Variants in SUMF1 observed in about 807,000 individuals in gnomAD.
The protein encoded by SUMF1 is formylglycine-generating enzyme.
In SUMF1, 48 loss-of-function variants were observed where a neutral mutation model predicts 47.6. The observed-to-expected ratio is 1.01, with a 90% CI of 0.80 to 1.28. The LOEUF (loss-of-function observed/expected upper bound fraction) is 1.28, where lower values mean the gene tolerates loss of function less well. Ranked by LOEUF, SUMF1 falls within the 50% of genes most tolerant of loss-of-function variation. SUMF1 has a pLI of 0.00. For missense variants in SUMF1, 571 were observed against 485.4 expected, an observed-to-expected ratio of 1.18 and a Z score of -1.66; for synonymous variants, 230 against 192.1, an observed-to-expected ratio of 1.20 and a Z score of -1.63.
chr3:4,175,210 G>C (rs1020853310), intron 8 of SUMF1, among the ~76,000 whole-genome samples: 2 of 152,206 alleles, frequency 1.3e-5, no homozygotes, highest in African/African-American at 4.8e-5. Context: ...TGAGCTCTGA[G>C]AATGGACAGA....
At chr3:4,267,679 C>G (rs1479716658) in intron 8 of SUMF1, among the ~76,000 whole-genome samples, 2 of 151,358 alleles carry the variant, frequency 1.3e-5, no homozygotes, top group South Asian at 4.2e-4. Flanking sequence ...ATCAAAACCA[C>G]AATGAGATAT....
chr3:4,342,991 T>G (rs962350554), intron 8 of SUMF1, among the ~76,000 whole-genome samples: 2 of 152,214 alleles, frequency 1.3e-5, no homozygotes, highest in African/African-American at 2.4e-5. Flanking sequence ...TCAGGGGATG[T>G]GAATGGGGAC....
intron 3 of SUMF1, among the ~76,000 whole-genome samples, chr3:4,446,571 G>T (rs1702788507): frequency 6.6e-6 from 1 of 152,188 alleles, no homozygotes; most frequent in African/African-American, 2.4e-5. Context: ...AGCATCAACA[G>T]CCGCTAACAT....
intron 8 of SUMF1, among the ~76,000 whole-genome samples, chr3:4,233,005 CAGCTGCAGTTAACAAA>C: frequency 6.6e-6 from 1 of 152,218 alleles, no homozygotes; most frequent in Non-Finnish European, 1.5e-5. Context: ...TAAATATGTG[CAGCTGCAGTTAACAAA>C]AGCCTCTGGT....
chr3:4,177,590 A>C (rs1270850437), intron 8 of SUMF1, among the ~76,000 whole-genome samples: 1 of 152,206 alleles, frequency 6.6e-6, no homozygotes, highest in South Asian at 2.1e-4. Flanking sequence ...GAAAGCAGGA[A>C]AGATCTAAAA....
intron 8 of SUMF1, among the ~76,000 whole-genome samples, chr3:4,185,099 T>C (rs974885515): frequency 1.3e-5 from 2 of 152,190 alleles, no homozygotes; most frequent in African/African-American, 4.8e-5. Flanking sequence ...TATGGCTTCA[T>C]AACAAAAAGT....
chr3:4,127,043 A>G (rs1693670879), intron 8 of SUMF1, among the ~76,000 whole-genome samples: 1 of 152,182 alleles, frequency 6.6e-6, no homozygotes, highest in Admixed American at 6.5e-5. Flanking sequence ...AGGACAAAGG[A>G]GCCCATTTAA....
chr3:4,239,341 T>C (rs948116724), intron 8 of SUMF1, among the ~76,000 whole-genome samples: 4 of 152,314 alleles, frequency 2.6e-5, no homozygotes, highest in East Asian at 1.9e-4. Context: ...GGGGATAGCA[T>C]TGAATCTATA....
At chr3:4,097,824 T>C (rs1404608764) in intron 8 of SUMF1, among the ~76,000 whole-genome samples, 2 of 152,108 alleles carry the variant, frequency 1.3e-5, no homozygotes, top group African/African-American at 4.8e-5. Flanking sequence ...CCAGCAGTCC[T>C]TGGACCTAAA....
At chr3:4,327,713 G>A (rs979512867) in intron 8 of SUMF1, among the ~76,000 whole-genome samples, 3 of 151,958 alleles carry the variant, frequency 2.0e-5, no homozygotes, top group African/African-American at 7.3e-5. Context: ...TTTTAACATA[G>A]CAAATAAGCT....
intron 3 of SUMF1, among the ~76,000 whole-genome samples, chr3:4,423,892 T>C (rs1701986183): frequency 6.6e-6 from 1 of 152,098 alleles, no homozygotes; most frequent in Admixed American, 6.5e-5. Flanking sequence ...GCTTTCACCA[T>C]GTGAAGCGCC....
intron 8 of SUMF1, among the ~76,000 whole-genome samples, chr3:4,131,946 C>T (rs1283684434): frequency 6.6e-6 from 1 of 152,156 alleles, no homozygotes. Context: ...TGGACTTTCA[C>T]TCACCAAGGC....
At chr3:4,080,535 T>A (rs1485574025) in intron 8 of SUMF1, among the ~76,000 whole-genome samples, 1 of 152,116 alleles carries the variant, frequency 6.6e-6, no homozygotes, top group African/African-American at 2.4e-5. Context: ...TCTAAAACAC[T>A]GGACAAAATC....
At chr3:4,260,082 A>T (rs1384035491) in intron 8 of SUMF1, among the ~76,000 whole-genome samples, 1 of 152,178 alleles carries the variant, frequency 6.6e-6, no homozygotes, top group Non-Finnish European at 1.5e-5. Flanking sequence ...GAATTAGTGA[A>T]ATCTAGAATC....
Position 4,243,719 on chromosome 3 carries a change from CT to C in SUMF1, c.1014+132610del, listed in dbSNP as rs540019583. On this transcript the variant is annotated intron_variant and NMD_transcript_variant, in intron 8 of 12. Transcript: ENST00000448413. Reference sequence around the variant, plus strand: ...GTTTTAGAGTAAGTATGATGTGGTGCTGAGAAGAATGTATATTCTGTTGATT... The same window carrying C: ...GTTTTAGAGTAAGTATGATGTGGTGCGAGAAGAATGTATATTCTGTTGATT... 8.1e-4 allele frequency among the ~76,000 whole-genome samples: 123 copies of C among 152,218 alleles called. 2 individuals carry two copies. The highest frequency in any genetic ancestry group is 4.4e-3 in the Admixed American group (67 of 15,288).
At chr3:4,366,278 G>T (rs1244504704) in intron 8 of SUMF1, among the ~76,000 whole-genome samples, 10 of 152,198 alleles carry the variant, frequency 6.6e-5, no homozygotes, top group South Asian at 4.2e-4. Flanking sequence ...TGTTAGATTG[G>T]GGAAGTTCTC....
At chr3:4,411,379 T>C (rs916194091) in intron 6 of SUMF1, among the ~76,000 whole-genome samples, 6 of 152,170 alleles carry the variant, frequency 3.9e-5, no homozygotes, top group Non-Finnish European at 7.4e-5. Flanking sequence ...CAGCTCAGCT[T>C]TCCTGGCCAC....
chr3:4,117,540 A>T lies in SUMF1; in HGVS notation c.1015-48795T>A, dbSNP rs1003242662. 1.7e-4 allele frequency among the ~76,000 whole-genome samples: 26 copies of T among 152,098 alleles called. 1 individual carries two copies. Among genetic ancestry groups the T allele is most frequent in the Non-Finnish European group, 3.5e-4 (24 of 68,032 alleles). ...GGGGAAGAAAATAGGTGGCTTCGTA[A>T]GACAGAGGCCTGGGCTTAGAGTCAG... On this transcript the variant is annotated intron_variant and NMD_transcript_variant, in intron 8 of 12. Coordinates refer to the SUMF1 transcript ENST00000448413.
At chr3:4,092,595 G>A (rs1053590243) in intron 8 of SUMF1, among the ~76,000 whole-genome samples, 1 of 152,086 alleles carries the variant, frequency 6.6e-6, no homozygotes, top group Non-Finnish European at 1.5e-5. Context: ...TTCCTAGCCT[G>A]CCTCCAATCT....
Sources: allele counts gnomAD v4.1 joint callset (sites outside exome capture counted in the v4.1 genomes callset), GRCh38; gene constraint gnomAD v4.1.1; transcripts MANE v1.5; gene names NCBI Gene and HGNC (gene_info 2026-07-23, HGNC 2026-07-21).